Variants in PARD3B observed in about 807,000 individuals in gnomAD.
PARD3B encodes the protein partitioning defective 3 homolog B.
A neutral mutation model predicts 130.2 loss-of-function variants in PARD3B; 103 were observed. That is an observed-to-expected ratio of 0.79 (90% confidence interval 0.67 to 0.93). The LOEUF (loss-of-function observed/expected upper bound fraction) is 0.93, where lower values mean the gene tolerates loss of function less well. Ranked by LOEUF, PARD3B falls within the 40% of genes least tolerant of loss-of-function variation. PARD3B has a pLI of 0.00. For missense variants in PARD3B, 1,609 were observed against 1,499.2 expected (o/e 1.07, Z -1.21); for synonymous variants, 583 against 553.2 (o/e 1.05, Z -0.76).
At chr2:205,387,015 A>G (rs2045684954) in intron 18 of PARD3B, among the ~76,000 whole-genome samples, 1 of 152,238 alleles carries the variant, frequency 6.6e-6, no homozygotes, top group Non-Finnish European at 1.5e-5. Flanking sequence ...GTATTTATTG[A>G]ACAAGCTTAT....
intron 3 of PARD3B, among the ~76,000 whole-genome samples, chr2:204,974,351 A>AT (rs2125186747): frequency 6.6e-6 from 1 of 152,326 alleles, no homozygotes; most frequent in East Asian, 1.9e-4. Flanking sequence ...GGGTAGGCTT[A>AT]TTACCTTATC....
At chr2:205,062,536 C>T (rs749392110) in intron 4 of PARD3B, among the ~76,000 whole-genome samples, 6 of 152,238 alleles carry the variant, frequency 3.9e-5, no homozygotes, top group South Asian at 2.1e-4. Context: ...CCTTCCCTTC[C>T]TTCCCTTGGA....
At chr2:204,766,567 A>G (rs867829651) in intron 2 of PARD3B, among the ~76,000 whole-genome samples, 7 of 152,066 alleles carry the variant, frequency 4.6e-5, no homozygotes, top group Admixed American at 2.0e-4. Context: ...TTCATATTAC[A>G]TTCACAGTCA....
rs1287391702 is a variant in PARD3B at position 205,351,957 on chromosome 2, C to G, written c.2631-49056C>G. ...ACGCGTATTGCTGAGGAAACACAAC[C>G]AACACCCACTGTTTCAAAGAAAACC... On this transcript the variant is annotated intron_variant, in intron 18 of 22. Transcript: ENST00000406610. The surrounding 1 kb of genome is among the most constrained non-coding windows in gnomAD (Gnocchi z 4.2). 6.6e-6 allele frequency among the ~76,000 whole-genome samples: 1 copy of G among 152,120 alleles called. No homozygotes were observed. Among genetic ancestry groups the G allele is most frequent in the African/African-American group, 2.4e-5 (1 of 41,418 alleles).
At chr2:204,572,816 A>G (rs1023618549) in intron 1 of PARD3B, among the ~76,000 whole-genome samples, 2 of 152,194 alleles carry the variant, frequency 1.3e-5, no homozygotes, top group African/African-American at 2.4e-5. Context: ...ATGGAAATAC[A>G]ATAAAGATAC....
At chr2:205,350,468 T>C (rs987320187) in intron 18 of PARD3B, among the ~76,000 whole-genome samples, 4 of 152,236 alleles carry the variant, frequency 2.6e-5, no homozygotes, top group East Asian at 1.9e-4. Context: ...GAAAATAATA[T>C]TGGCTTTATG....
At chr2:204,648,195 CA>C (rs1243360564) in intron 1 of PARD3B, among the ~76,000 whole-genome samples, 4 of 151,578 alleles carry the variant, frequency 2.6e-5, no homozygotes, top group Admixed American at 2.6e-4. Context: ...GTACTTAATA[CA>C]TTGGTTTATC....
Position 205,176,648 on chromosome 2 carries a change from A to G in PARD3B, c.1924+71A>G. The G allele has an allele frequency of 7.0e-7, 1 of 1,422,410 alleles. No individual in the cohort carries two copies. The highest frequency in any genetic ancestry group is 9.4e-7 in the Non-Finnish European group (1 of 1,064,124). 88.1% of individuals were successfully genotyped at this position (1,422,410 alleles called of 1,614,324 possible). A position where few individuals can be genotyped will look rare whatever the true frequency, so the allele number is the denominator to read the frequency against. On this transcript the variant is annotated intron_variant, in intron 13 of 22. Transcript: ENST00000406610. The surrounding 1 kb of genome is among the most constrained non-coding windows in gnomAD (Gnocchi z 5.3). ...ACAAAAGTGTCTTTTTATCTAAAAA[A>G]AAAAAAAAAGAGTAAAGGGGAGTTA...
rs913650285 is a variant in PARD3B, at chr2:204,689,594, C to T, written c.222+3312C>T. ...GCTAAAGGCTACCAACTTAGTTCACCCAATAGTAACAACCTAATCATTGAT... is the reference window on the plus strand; with the variant it reads ...GCTAAAGGCTACCAACTTAGTTCACTCAATAGTAACAACCTAATCATTGAT... On this transcript the variant is annotated intron_variant, in intron 2 of 22. Transcript: ENST00000406610. This position sits in a 1 kb window ranked among gnomAD's most constrained non-coding sequence, Gnocchi z 5.2. 1.3e-5 allele frequency among the ~76,000 whole-genome samples: 2 copies of T among 152,042 alleles called. No individual in the cohort carries two copies. The highest frequency in any genetic ancestry group is 1.3e-4 in the Admixed American group (2 of 15,236).
At chr2:205,358,512 T>C (rs2044276686) in intron 18 of PARD3B, among the ~76,000 whole-genome samples, 1 of 152,246 alleles carries the variant, frequency 6.6e-6, no homozygotes. Context: ...CTTGAGTTTT[T>C]GTTCTCTCTT....
chr2:205,372,293 A>G (rs1040172025), intron 18 of PARD3B, among the ~76,000 whole-genome samples: 1 of 152,198 alleles, frequency 6.6e-6, no homozygotes, highest in African/African-American at 2.4e-5. Context: ...TGAAGGCTCT[A>G]ATTTATCTAC....
intron 2 of PARD3B, among the ~76,000 whole-genome samples, chr2:204,954,894 G>A (rs903052628): frequency 2.0e-5 from 3 of 152,186 alleles, no homozygotes; most frequent in South Asian, 2.1e-4. Context: ...TCTTTAGAAG[G>A]TGGTGGCTTT....
At chr2:205,052,920 C>T (rs1005386610) in intron 4 of PARD3B, among the ~76,000 whole-genome samples, 1 of 151,954 alleles carries the variant, frequency 6.6e-6, no homozygotes, top group Non-Finnish European at 1.5e-5. Context: ...GGACACAGAC[C>T]GGTGGAGGGA....
intron 18 of PARD3B, among the ~76,000 whole-genome samples, chr2:205,360,097 T>C (rs1434222163): frequency 6.6e-6 from 1 of 152,228 alleles, no homozygotes; most frequent in Non-Finnish European, 1.5e-5. Flanking sequence ...TTTTTGTCAT[T>C]TGAATGCATA....
At chr2:205,559,375 A>G (rs1443976976) in intron 22 of PARD3B, among the ~76,000 whole-genome samples, 3 of 151,906 alleles carry the variant, frequency 2.0e-5, no homozygotes, top group Non-Finnish European at 4.4e-5. Flanking sequence ...CGAACTCCTG[A>G]GCTTAAACAA....
At chr2:205,213,066 G>A (rs2037729513) in intron 15 of PARD3B, among the ~76,000 whole-genome samples, 1 of 152,026 alleles carries the variant, frequency 6.6e-6, no homozygotes, top group Non-Finnish European at 1.5e-5. Context: ...TTTGATGGTT[G>A]GGCTTCAGAC....
intron 1 of PARD3B, among the ~76,000 whole-genome samples, chr2:204,670,646 A>G (rs1002721106): frequency 4.6e-5 from 7 of 152,152 alleles, no homozygotes; most frequent in Non-Finnish European, 7.4e-5. Context: ...TATAGCTATA[A>G]CTCAAGCTAT....
At chr2:204,911,973 A>G (rs1431811873) in intron 2 of PARD3B, among the ~76,000 whole-genome samples, 1 of 147,524 alleles carries the variant, frequency 6.8e-6, no homozygotes, top group East Asian at 1.9e-4. Context: ...TCAATTATGC[A>G]GGTATAAAGT....
At chr2:204,719,648 G>A (rs1234731028) in intron 2 of PARD3B, among the ~76,000 whole-genome samples, 2 of 151,964 alleles carry the variant, frequency 1.3e-5, no homozygotes, top group South Asian at 2.1e-4. Flanking sequence ...ATATTTTAAT[G>A]TATTATGTTA....
Sources: gnomAD v4.1 joint callset for allele counts (sites outside exome capture counted in the v4.1 genomes callset) on GRCh38, gnomAD v4.1.1 for gene constraint, Gnocchi (gnomAD v3.1) non-coding constraint, MANE v1.5 for transcripts, NCBI Gene and HGNC (gene_info 2026-07-23, HGNC 2026-07-21) for gene names.